Variants in ZMAT4 observed in about 807,000 individuals in gnomAD.
ZMAT4 encodes zinc finger matrin-type protein 4.
A neutral mutation model predicts 28.7 loss-of-function variants in ZMAT4; 17 were observed. The ratio of observed to expected loss-of-function variants is 0.59; its 90% CI spans 0.41 to 0.89. The LOEUF (loss-of-function observed/expected upper bound fraction) is 0.89. Ranked by LOEUF, ZMAT4 falls within the 40% of genes least tolerant of loss-of-function variation. ZMAT4 has a pLI of 0.00. For synonymous variants in ZMAT4, 117 were observed against 109.2 expected, an observed-to-expected ratio of 1.07 and a Z score of -0.44; for missense variants, 240 against 283.8, an observed-to-expected ratio of 0.85 and a Z score of 1.11.
intron 3 of ZMAT4, among the ~76,000 whole-genome samples, chr8:40,702,565 A>G (rs1259088917): frequency 6.6e-6 from 1 of 152,234 alleles, no homozygotes; most frequent in East Asian, 1.9e-4. Flanking sequence ...CTGACTGGCT[A>G]GAAATTTAAT....
intron 5 of ZMAT4, among the ~76,000 whole-genome samples, chr8:40,621,471 G>C (rs1563370840): frequency 6.6e-6 from 1 of 152,206 alleles, no homozygotes; most frequent in African/African-American, 2.4e-5. Flanking sequence ...AATTTGCAAA[G>C]ATCCAGGGGT....
chr8:40,846,369 C>G (rs1213365397), intron 1 of ZMAT4, among the ~76,000 whole-genome samples: 1 of 152,176 alleles, frequency 6.6e-6, no homozygotes, highest in African/African-American at 2.4e-5. Flanking sequence ...ACAGGGAGAG[C>G]AAAGGCGCAG....
In ZMAT4 at chr8:40,825,594, T is replaced by C; in HGVS notation, c.83A>G (p.Gln28Arg). 6.4e-7 allele frequency: 1 copy of C among 1,553,316 alleles called. No homozygotes were observed. The change falls in exon 2 of 7, where the codon CAG becomes CGG. Residue 28 changes from glutamine (Q) to arginine (R), a missense_variant. Gln to Arg is a conservative substitution (Grantham distance 43). Transcript: ENST00000297737. ...VCSAQLISES[Q>R]RVAHYESRKH... ...CCTTACCTCGTAGTGGGCCACACGC[T>C]GCGATTCGGAGATCAGCTGTGCACT...
intron 4 of ZMAT4, among the ~76,000 whole-genome samples, chr8:40,682,503 A>G (rs951411647): frequency 1.2e-4 from 19 of 152,290 alleles, no homozygotes; most frequent in African/African-American, 4.1e-4. Context: ...TTCTCACATG[A>G]TATGTCTGGA....
chr8:40,748,382 A>G lies in ZMAT4; in HGVS notation c.192+19259T>C, dbSNP rs146532665. ...GGCTTTGAGAATGACATGCTCAAAT[A>G]GCTGCATTTTTAATATCTATTAAAG... On this transcript the variant is annotated intron_variant, in intron 3 of 6. Coordinates refer to ENST00000297737, the MANE Select transcript of ZMAT4 (RefSeq NM_024645.3). Among the ~76,000 whole-genome samples the G allele has an allele frequency of 1.7e-3, 256 of 152,342 alleles. 1 individual carries two copies. Among genetic ancestry groups the G allele is most frequent in the African/African-American group, 5.9e-3 (244 of 41,580 alleles).
At chr8:40,601,512 A>AG (rs1805332146) in intron 5 of ZMAT4, among the ~76,000 whole-genome samples, 1 of 145,962 alleles carries the variant, frequency 6.9e-6, no homozygotes, top group Non-Finnish European at 1.5e-5. Flanking sequence ...AAAGAAAGAG[A>AG]AAGAGAAAGA....
intron 5 of ZMAT4, among the ~76,000 whole-genome samples, chr8:40,627,434 T>C (rs1283285660): frequency 6.6e-6 from 1 of 152,190 alleles, no homozygotes; most frequent in Non-Finnish European, 1.5e-5. Flanking sequence ...ATATATGTGT[T>C]CATGTGCATA....
intron 4 of ZMAT4, among the ~76,000 whole-genome samples, chr8:40,676,473 G>A (rs1301229592): frequency 2.6e-5 from 4 of 152,092 alleles, no homozygotes; most frequent in African/African-American, 7.2e-5. Flanking sequence ...GCAAAACCAC[G>A]AGCATTAGGG....
At chr8:40,621,566 C>A (rs948504352) in intron 5 of ZMAT4, among the ~76,000 whole-genome samples, 4 of 152,132 alleles carry the variant, frequency 2.6e-5, no homozygotes, top group East Asian at 1.9e-4. Context: ...GAATTTCAAG[C>A]GCAAGGTTAG....
Position 40,674,762 on chromosome 8 carries a change from C to A in ZMAT4, c.519G>T (p.Ala173=). The A allele has an allele frequency of 6.2e-7, 1 of 1,613,942 alleles. No individual in the cohort carries two copies. Among genetic ancestry groups the A allele is most frequent in the Non-Finnish European group, 8.5e-7 (1 of 1,179,910 alleles). ...HYDGKKHKKN[A]ARVALLEQLG... is the part of the protein sequence containing the mutation. ...GTTGTTCTAACAAAGCAACTCTTGCCGCATTCTTTTTGTGTTTCTTGCCAT... is the reference window on the plus strand; with the variant it reads ...GTTGTTCTAACAAAGCAACTCTTGCAGCATTCTTTTTGTGTTTCTTGCCAT... The change falls in exon 5 of 7, where the codon GCG becomes GCT. Residue 173 remains alanine, a synonymous_variant. Transcript: ENST00000297737.
At chr8:40,720,416 T>G (rs1346461088) in intron 3 of ZMAT4, among the ~76,000 whole-genome samples, 1 of 152,096 alleles carries the variant, frequency 6.6e-6, no homozygotes, top group Admixed American at 6.6e-5. Context: ...CCCTCCTCCT[T>G]GCTGTAATCA....
At chr8:40,854,121 C>G (rs1461976221) in intron 1 of ZMAT4, among the ~76,000 whole-genome samples, 1 of 152,152 alleles carries the variant, frequency 6.6e-6, no homozygotes, top group Non-Finnish European at 1.5e-5. Context: ...GAGAGTGCCC[C>G]CATGACCCAA....
chr8:40,754,600 T>C (rs1315115546), intron 3 of ZMAT4, among the ~76,000 whole-genome samples: 1 of 152,198 alleles, frequency 6.6e-6, no homozygotes, highest in African/African-American at 2.4e-5. Context: ...AAATTTTTAT[T>C]CCACCTGGGG....
intron 3 of ZMAT4, 55 bp from the exon 4 acceptor site, chr8:40,697,456 C>A (rs965414350): frequency 7.0e-7 from 1 of 1,429,142 alleles, no homozygotes; most frequent in Non-Finnish European, 9.3e-7. Flanking sequence ...CATTCTTTTA[C>A]AAATGAGACT....
At chr8:40,627,577 T>C (rs1470822891) in intron 5 of ZMAT4, among the ~76,000 whole-genome samples, 1 of 152,238 alleles carries the variant, frequency 6.6e-6, no homozygotes, top group Non-Finnish European at 1.5e-5. Flanking sequence ...ATTTGAATTA[T>C]AATTTTTCTA....
In ZMAT4 at chr8:40,541,555, C is replaced by T. The variant is rs144885044; in HGVS notation, c.675-9317G>A. 8.8e-3 allele frequency among the ~76,000 whole-genome samples: 1,344 copies of T among 152,258 alleles called. 10 individuals are homozygous for T. The highest frequency in any genetic ancestry group is 0.015 in the Non-Finnish European group (1,013 of 68,016). On this transcript the variant is annotated intron_variant, in intron 6 of 6. Coordinates refer to ENST00000297737, the MANE Select transcript of ZMAT4 (RefSeq NM_024645.3). ...CTAGCCACTTTCAAGTATTAGCAAT[C>T]GAGTCTGGCCAGTGGCTACTGTGTT...
chr8:40,589,725 TC>T (rs10714114), intron 5 of ZMAT4, among the ~76,000 whole-genome samples: 2,445 of 128,906 alleles, frequency 0.019, 48 homozygotes, highest in Admixed American at 0.071. Context: ...TCTTCCTTCT[TC>T]CTTTCCTTTC....
At chr8:40,878,234 A>G (rs1333835814) in intron 1 of ZMAT4, among the ~76,000 whole-genome samples, 1 of 152,208 alleles carries the variant, frequency 6.6e-6, no homozygotes, top group Non-Finnish European at 1.5e-5. Context: ...AACATTTCAG[A>G]AGGGGCAAAG....
intron 3 of ZMAT4, among the ~76,000 whole-genome samples, chr8:40,729,279 C>T (rs749746662): frequency 6.6e-6 from 1 of 152,128 alleles, no homozygotes; most frequent in Non-Finnish European, 1.5e-5. Context: ...TTTTGGAGGA[C>T]AGTTAATTAT....
Sources: gnomAD v4.1 joint callset for allele counts (sites outside exome capture counted in the v4.1 genomes callset) on GRCh38, gnomAD v4.1.1 for gene constraint, MANE v1.5 for transcripts, NCBI Gene and HGNC (gene_info 2026-07-23, HGNC 2026-07-21) for gene names.